Variants in ARMH3 observed in about 807,000 individuals in gnomAD.
ARMH3 encodes armadillo-like helical domain-containing protein 3.
In ARMH3, 60 loss-of-function variants were observed where a neutral mutation model predicts 99.1. The ratio of observed to expected loss-of-function variants is 0.61; its 90% CI spans 0.49 to 0.75. The LOEUF (loss-of-function observed/expected upper bound fraction) is 0.75. ARMH3 is among the 30% of genes least tolerant of loss of function. The probability of loss-of-function intolerance (pLI) is 0.00; values close to 1 mark genes in which losing one functional copy is unlikely to be tolerated. For missense variants in ARMH3, 679 were observed against 843.1 expected (o/e 0.81, Z 2.41); for synonymous variants, 285 against 292.8 (o/e 0.97, Z 0.27).
At chr10:101,942,744 T>C (rs1254097348) in intron 22 of ARMH3, among the ~76,000 whole-genome samples, 1 of 151,778 alleles carries the variant, frequency 6.6e-6, no homozygotes, top group Non-Finnish European at 1.5e-5. Context: ...CACATGCCAG[T>C]AGTCCCAACT....
chr10:101,973,359 C>CAAAAAAAAA (rs56712768), intron 20 of ARMH3, among the ~76,000 whole-genome samples: 3 of 80,146 alleles, frequency 3.7e-5, no homozygotes, highest in Non-Finnish European at 5.2e-5. Context: ...GACTCCGTCT[C>CAAAAAAAAA]AAAAAAAAAA....
chr10:101,917,962 T>G (rs1843150633), intron 23 of ARMH3, among the ~76,000 whole-genome samples: 1 of 152,220 alleles, frequency 6.6e-6, no homozygotes, highest in Non-Finnish European at 1.5e-5. Flanking sequence ...CAGTTCATTT[T>G]GCATCAACAG....
intron 21 of ARMH3, 60 bp from the exon 22 acceptor site, chr10:101,956,783 G>A (rs180722848): frequency 8.9e-6 from 14 of 1,565,408 alleles, no homozygotes; most frequent in Non-Finnish European, 1.1e-5. Context: ...AAAATTATCA[G>A]TGGTATGCTG....
chr10:101,873,428 A>G (rs2067183754), intron 24 of ARMH3, among the ~76,000 whole-genome samples: 2 of 151,312 alleles, frequency 1.3e-5, no homozygotes, highest in Non-Finnish European at 2.9e-5. Flanking sequence ...AAAACAAAAC[A>G]AAAACAAACA....
intron 24 of ARMH3, among the ~76,000 whole-genome samples, chr10:101,874,106 A>G (rs1452269561): frequency 6.6e-6 from 1 of 152,250 alleles, no homozygotes; most frequent in Non-Finnish European, 1.5e-5. Context: ...TCTACTCTAC[A>G]GTGAAAATAA....
chr10:102,034,772 G>A (rs1171433231), intron 2 of ARMH3, among the ~76,000 whole-genome samples: 1 of 152,084 alleles, frequency 6.6e-6, no homozygotes, highest in Non-Finnish European at 1.5e-5. Flanking sequence ...GCCAGGTGCA[G>A]TGGCCCATGC....
At chr10:101,986,880 T>A (rs1448885034) in intron 19 of ARMH3, among the ~76,000 whole-genome samples, 1 of 152,186 alleles carries the variant, frequency 6.6e-6, no homozygotes, top group Non-Finnish European at 1.5e-5. Flanking sequence ...CCAGCCTCTG[T>A]CAACTTGATG....
intron 23 of ARMH3, among the ~76,000 whole-genome samples, chr10:101,933,492 C>CA (rs763290624): frequency 3.3e-5 from 5 of 152,162 alleles, no homozygotes; most frequent in Non-Finnish European, 5.9e-5. Context: ...TAAGGTAAAA[C>CA]AGATGATTAA....
intron 1 of ARMH3, among the ~76,000 whole-genome samples, chr10:102,049,099 C>G (rs2067628437): frequency 6.6e-6 from 1 of 152,082 alleles, no homozygotes; most frequent in South Asian, 2.1e-4. Flanking sequence ...TCCTACTGTT[C>G]CACATGGTTC....
intron 19 of ARMH3, among the ~76,000 whole-genome samples, chr10:101,986,488 T>C (rs1380690349): frequency 6.6e-6 from 1 of 151,964 alleles, no homozygotes; most frequent in East Asian, 1.9e-4. Context: ...TCCCCCATCA[T>C]TACCTACAGC....
At chr10:101,885,415 T>C (rs991021035) in intron 24 of ARMH3, among the ~76,000 whole-genome samples, 2 of 152,148 alleles carry the variant, frequency 1.3e-5, no homozygotes, top group African/African-American at 4.8e-5. Flanking sequence ...ATAAACAAAA[T>C]GTATATACAT....
chr10:101,869,923 C>G (rs2067094422), intron 24 of ARMH3, among the ~76,000 whole-genome samples: 1 of 152,138 alleles, frequency 6.6e-6, no homozygotes, highest in Non-Finnish European at 1.5e-5. Context: ...GTCCCAGATA[C>G]TCAGGAGGTT....
At chr10:101,884,561 A>T (rs1015368245) in intron 24 of ARMH3, among the ~76,000 whole-genome samples, 1 of 152,230 alleles carries the variant, frequency 6.6e-6, no homozygotes, top group Non-Finnish European at 1.5e-5. Context: ...TTATTCATAA[A>T]GGTATGTTAA....
chr10:101,949,130 T>A (rs986025868), intron 22 of ARMH3, among the ~76,000 whole-genome samples: 1 of 151,660 alleles, frequency 6.6e-6, no homozygotes, highest in African/African-American at 2.4e-5. Flanking sequence ...AATATTTATA[T>A]TAGAAAAAAA....
chr10:101,939,813 A>C (rs1463102577), intron 23 of ARMH3, 50 bp downstream of exon 23: 1 of 1,501,828 alleles, frequency 6.7e-7, no homozygotes, highest in Non-Finnish European at 9.2e-7. Flanking sequence ...GGTACAATAA[A>C]CCTCAGGAAG....
intron 1 of ARMH3, among the ~76,000 whole-genome samples, chr10:102,049,064 T>C (rs2067627396): frequency 6.6e-6 from 1 of 152,068 alleles, no homozygotes; most frequent in African/African-American, 2.4e-5. Context: ...AAGCCCCAGG[T>C]ATTTAGCTCA....
At chr10:101,867,659 C>T (rs2067035497) in intron 24 of ARMH3, among the ~76,000 whole-genome samples, 1 of 151,970 alleles carries the variant, frequency 6.6e-6, no homozygotes, top group Non-Finnish European at 1.5e-5. Flanking sequence ...ATAGTGAGAC[C>T]CCACCTCTAC....
At chr10:101,991,442 G>A (rs927778512) in intron 18 of ARMH3, among the ~76,000 whole-genome samples, 4 of 151,822 alleles carry the variant, frequency 2.6e-5, no homozygotes, top group Admixed American at 6.6e-5. Context: ...GTGCAATGCC[G>A]TGATCTTGGC....
intron 19 of ARMH3, among the ~76,000 whole-genome samples, chr10:101,983,882 G>A (rs1046149787): frequency 3.3e-5 from 5 of 152,192 alleles, no homozygotes; most frequent in African/African-American, 1.2e-4. Flanking sequence ...GGAGGAGGTT[G>A]TAGGAACCCC....
Sources: gnomAD v4.1 joint callset for allele counts (sites outside exome capture counted in the v4.1 genomes callset) on GRCh38, gnomAD v4.1.1 for gene constraint, MANE v1.5 for transcripts, NCBI Gene and HGNC (gene_info 2026-07-23, HGNC 2026-07-21) for gene names.